The following TFEB variants were observed in gnomAD, a reference collection of about 807,000 sequenced individuals.
The protein encoded by TFEB is transcription factor EB.
In TFEB, 12 loss-of-function variants were observed where a neutral mutation model predicts 48.0. The observed-to-expected ratio is 0.25, with a 90% CI of 0.16 to 0.40. TFEB has a LOEUF of 0.40. Ranked by LOEUF, TFEB falls within the 10% of genes least tolerant of loss-of-function variation. TFEB has a pLI of 1.00. For missense variants in TFEB, 509 were observed against 640.3 expected (o/e 0.79, Z 2.21); for synonymous variants, 244 against 261.4 (o/e 0.93, Z 0.64).
chr6:41,698,047 AT>A (rs1382438722), intron 1 of TFEB, among the ~76,000 whole-genome samples: 3 of 152,146 alleles, frequency 2.0e-5, no homozygotes, highest in Admixed American at 1.3e-4. Context: ...TGAAAAAAAA[AT>A]ATTTTATGCT....
chr6:41,734,813 G>T lies in TFEB; in HGVS notation c.-23+537C>A. ...GGTACTTCCACCCGCCCCCCCATCAGCCCAGCCCCCGGGGCGTGGCGCCGC... is the reference window on the plus strand; with the variant it reads ...GGTACTTCCACCCGCCCCCCCATCATCCCAGCCCCCGGGGCGTGGCGCCGC... On this transcript the variant is annotated intron_variant, in intron 1 of 8. Transcript: ENST00000373033. This position sits in a 1 kb window ranked among gnomAD's most constrained non-coding sequence, Gnocchi z 4.0. The T allele has an allele frequency of 1.2e-6, 1 of 850,060 alleles. No homozygotes were observed. Among genetic ancestry groups the T allele is most frequent in the Non-Finnish European group, 1.4e-6 (1 of 706,786 alleles). 52.7% of individuals were successfully genotyped at this position (850,060 alleles called of 1,614,324 possible).
At chr6:41,735,995 G>A (rs1226506204), upstream of TFEB, 2 of 954,084 alleles carry the variant, frequency 2.1e-6, no homozygotes, top group East Asian at 2.4e-5. Flanking sequence ...TTCTCTTCAG[G>A]AGTAGGGTGC....
chr6:41,710,668 C>T (rs1197826257), intron 1 of TFEB, among the ~76,000 whole-genome samples: 7 of 152,260 alleles, frequency 4.6e-5, no homozygotes, highest in South Asian at 2.1e-4. Flanking sequence ...AAAGTCCAAG[C>T]GCTCTAGTTG....
intron 1 of TFEB, among the ~76,000 whole-genome samples, chr6:41,721,432 C>G (rs921654380): frequency 6.6e-6 from 1 of 151,888 alleles, no homozygotes; most frequent in Admixed American, 6.6e-5. Context: ...ACAATGCTTA[C>G]TGATACTGAG....
chr6:41,711,244 CCT>C (rs1770462500), intron 1 of TFEB, among the ~76,000 whole-genome samples: 1 of 152,196 alleles, frequency 6.6e-6, no homozygotes, highest in East Asian at 1.9e-4. Context: ...AAAGAAGTCA[CCT>C]CTCTGGTTTT....
intron 1 of TFEB, among the ~76,000 whole-genome samples, chr6:41,715,471 A>G (rs1770694653): frequency 6.6e-6 from 1 of 152,130 alleles, no homozygotes; most frequent in South Asian, 2.1e-4. Flanking sequence ...GGAGTTCGAG[A>G]CCAGCTTGAC....
chr6:41,728,434 C>T (rs1454985198), intron 1 of TFEB, among the ~76,000 whole-genome samples: 2 of 152,204 alleles, frequency 1.3e-5, no homozygotes. Flanking sequence ...CAGCCAGCAC[C>T]GTCCTGGCAA....
intron 1 of TFEB, among the ~76,000 whole-genome samples, chr6:41,696,650 T>C (rs866550638): frequency 5.3e-5 from 8 of 152,034 alleles, no homozygotes; most frequent in Middle Eastern, 6.8e-3. Flanking sequence ...GCCGAGATCA[T>C]GCCACTGCAC....
chr6:41,686,337 C>A, intron 7 of TFEB, 100 bp from the exon 8 acceptor site: 1 of 1,497,708 alleles, frequency 6.7e-7, no homozygotes, highest in Non-Finnish European at 9.1e-7. Flanking sequence ...CTGTCCCAGT[C>A]TTACCCAGCA....
intron 1 of TFEB, among the ~76,000 whole-genome samples, chr6:41,709,529 GTGGATGGATGGATGGATGGATGGA>G (rs10604830): frequency 2.7e-5 from 4 of 149,330 alleles, no homozygotes; most frequent in African/African-American, 7.4e-5. Context: ...ATAATGGTTG[GTGGATGGATGGATGGATGGATGGA>G]TGGATGGATG....
chr6:41,706,067 C>G (rs1345608117), intron 1 of TFEB: 1 of 152,356 alleles, frequency 6.6e-6, no homozygotes, highest in African/African-American at 2.4e-5. Flanking sequence ...CAGGAGAGGG[C>G]GCTCTTCCTC....
At chr6:41,727,551 G>T (rs2127273691) in intron 1 of TFEB, among the ~76,000 whole-genome samples, 1 of 152,298 alleles carries the variant, frequency 6.6e-6, no homozygotes, top group Admixed American at 6.5e-5. Context: ...AATTAGCCAG[G>T]TGTAGTGGCA....
At chr6:41,689,650 A>T in intron 4 of TFEB, 81 bp downstream of exon 4, 1 of 1,107,460 alleles carries the variant, frequency 9.0e-7, no homozygotes, top group Non-Finnish European at 1.4e-6. Context: ...CCCTGTCTCC[A>T]CTCTCTCCAG....
chr6:41,735,664 T>A, upstream of TFEB: 1 of 723,190 alleles, frequency 1.4e-6, no homozygotes, highest in Non-Finnish European at 1.7e-6. Context: ...TCCCAGCCGC[T>A]CTGCCTCGGC....
chr6:41,715,236 G>A (rs1478517586), intron 1 of TFEB, among the ~76,000 whole-genome samples: 9 of 152,218 alleles, frequency 5.9e-5, no homozygotes, highest in South Asian at 2.1e-4. Context: ...GAGTATGTGC[G>A]GACCACACAG....
At chr6:41,719,268 A>G (rs1770877440) in intron 1 of TFEB, among the ~76,000 whole-genome samples, 1 of 152,198 alleles carries the variant, frequency 6.6e-6, no homozygotes, top group African/African-American at 2.4e-5. Flanking sequence ...CACCAATTGT[A>G]CATTATGGTG....
chr6:41,735,381 G>T lies in TFEB; in HGVS notation c.-54C>A. 1.0e-6 allele frequency: 1 copy of T among 985,550 alleles called. No homozygotes were observed. Among genetic ancestry groups the T allele is most frequent in the Non-Finnish European group, 1.2e-6 (1 of 830,374 alleles). The allele number at this position is 985,550 out of a possible 1,614,324, so 61.1% of individuals were successfully genotyped here. ...CTGAAGGTCAATCTGTCCGCCGCCC[G>T]CGCCCCGCGGCTCCGGCAACTTGTC... On this transcript the variant is annotated 5_prime_UTR_variant, in exon 1 of 9. Coordinates refer to ENST00000373033, the MANE Select transcript of TFEB (RefSeq NM_001271944.2).
intron 6 of TFEB, 76 bp from the exon 7 acceptor site, chr6:41,687,245 C>T: frequency 6.9e-7 from 1 of 1,453,582 alleles, no homozygotes; most frequent in Non-Finnish European, 9.6e-7. Flanking sequence ...GTACCCAGCC[C>T]AGGGAGGGGT....
In TFEB at chr6:41,716,722, CAG is replaced by C. The variant is rs1770751641; in HGVS notation, c.-23+18626_-23+18627del. On this transcript the variant is annotated intron_variant, in intron 1 of 8. Coordinates refer to ENST00000373033, the MANE Select transcript of TFEB (RefSeq NM_001271944.2). ...ACCAGATGTTGGCAACACTTAGAAACAGGGCTAAAAATAGACTCTATAATGAG... is the reference window on the plus strand; with the variant it reads ...ACCAGATGTTGGCAACACTTAGAAACGGCTAAAAATAGACTCTATAATGAG... Among the ~76,000 whole-genome samples, 3 of 152,182 alleles carry C rather than the reference CAG, an allele frequency of 2.0e-5. No homozygotes were observed. In the South Asian group the frequency reaches 6.2e-4, roughly 32 times the overall value.
Sources: gnomAD v4.1 joint callset for allele counts (sites outside exome capture counted in the v4.1 genomes callset) on GRCh38, gnomAD v4.1.1 for gene constraint, Gnocchi (gnomAD v3.1) non-coding constraint, MANE v1.5 for transcripts, NCBI Gene and HGNC (gene_info 2026-07-23, HGNC 2026-07-21) for gene names.